The following ADAMTSL1 variants were observed in gnomAD, a reference collection of about 807,000 sequenced individuals.
The protein encoded by ADAMTSL1 is ADAMTS like 1, also known as ADAMTS-like protein 1.
Under a neutral mutation model 201.8 loss-of-function variants are expected in ADAMTSL1, and 126 were observed. The observed-to-expected ratio is 0.62, with a 90% CI of 0.54 to 0.72. The LOEUF is 0.72. Ranked by LOEUF, ADAMTSL1 falls within the 30% of genes least tolerant of loss-of-function variation. ADAMTSL1 has a pLI of 0.00. For missense variants in ADAMTSL1, 2,679 were observed against 2,277.8 expected (o/e 1.18, Z -3.59); for synonymous variants, 1,121 against 903.4 (o/e 1.24, Z -4.32).
intron 2 of ADAMTSL1, among the ~76,000 whole-genome samples, chr9:18,435,819 C>T (rs1401811414): frequency 6.6e-6 from 1 of 152,128 alleles, no homozygotes; most frequent in African/African-American, 2.4e-5. Context: ...TTTAAAACAT[C>T]ACATCTCATG....
chr9:17,908,576 C>A (rs1244666819), intron 1 of ADAMTSL1, among the ~76,000 whole-genome samples: 1 of 152,140 alleles, frequency 6.6e-6, no homozygotes, highest in African/African-American at 2.4e-5. Context: ...CCTGCCTCAG[C>A]CTCCCAAGTA....
chr9:18,009,362 A>G (rs1819959733), intron 1 of ADAMTSL1, among the ~76,000 whole-genome samples: 1 of 151,980 alleles, frequency 6.6e-6, no homozygotes, highest in African/African-American at 2.4e-5. Context: ...ACTCACTTCT[A>G]ATAGAAACCT....
rs113432891 is a variant in ADAMTSL1 at position 18,495,897 on chromosome 9, C to G, written c.64-8932C>G. ...CCCCCACTTTATGCTTACTCTATGC[C>G]CTATGTACCTTTTTGAGAGACAAAT... On this transcript the variant is annotated intron_variant, in intron 1 of 28. Coordinates refer to ENST00000380548, the MANE Select transcript of ADAMTSL1 (RefSeq NM_001040272.6). 1.9e-3 allele frequency among the ~76,000 whole-genome samples: 289 copies of G among 152,086 alleles called. 2 individuals are homozygous for G. The highest frequency in any genetic ancestry group is 6.5e-3 in the African/African-American group (269 of 41,470).
At chr9:18,588,201 G>A (rs532882388) in intron 4 of ADAMTSL1, among the ~76,000 whole-genome samples, 19 of 152,224 alleles carry the variant, frequency 1.2e-4, no homozygotes, top group African/African-American at 4.3e-4. Context: ...GTTTTGATTC[G>A]CATTTCCCTG....
chr9:18,226,912 TA>T lies in ADAMTSL1; in HGVS notation c.207+62933del, dbSNP rs566587237. 2.4e-3 allele frequency among the ~76,000 whole-genome samples: 359 copies of T among 152,252 alleles called. 3 individuals are homozygous for T. Among genetic ancestry groups the T allele is most frequent in the African/African-American group, 8.4e-3 (347 of 41,538 alleles). The stretch of plus-strand genomic sequence containing the variant: ...TGACACAGTTATAAAATATAATTTT[TA>T]ATATTTTTGATGAAGGATGGGGTCC... On this transcript the variant is annotated intron_variant, in intron 2 of 29. Transcript: ENST00000680146.
chr9:18,283,051 G>T (rs1368613087), intron 2 of ADAMTSL1, among the ~76,000 whole-genome samples: 1 of 152,142 alleles, frequency 6.6e-6, no homozygotes, highest in Non-Finnish European at 1.5e-5. Context: ...GAAGAGAATT[G>T]AAATCAACTA....
Position 18,721,465 on chromosome 9 carries a change from G to A in ADAMTSL1, c.1877-71G>A, listed in dbSNP as rs1056044467. ...ACAGGGACCTCCCACCAGCTGCCTT[G>A]TCTACACTTCATCACCCCCCACACA... On this transcript the variant is annotated intron_variant, in intron 14 of 28. Coordinates refer to ENST00000380548, the MANE Select transcript of ADAMTSL1 (RefSeq NM_001040272.6). 18 of 1,579,722 alleles carry A rather than the reference G, an allele frequency of 1.1e-5. No homozygotes were observed. In the African/African-American group the frequency reaches 2.0e-4, roughly 18 times the overall value.
At chr9:18,527,899 A>T (rs955611499) in intron 2 of ADAMTSL1, among the ~76,000 whole-genome samples, 1 of 152,146 alleles carries the variant, frequency 6.6e-6, no homozygotes, top group African/African-American at 2.4e-5. Flanking sequence ...CCCCCTCAAG[A>T]TGGAGTCTTG....
At chr9:18,807,236 CACAA>C (rs1162586557) in intron 20 of ADAMTSL1, among the ~76,000 whole-genome samples, 1 of 152,182 alleles carries the variant, frequency 6.6e-6, no homozygotes, top group African/African-American at 2.4e-5. Flanking sequence ...TCAGCTATAA[CACAA>C]ACAAATTTAC....
intron 23 of ADAMTSL1, among the ~76,000 whole-genome samples, chr9:18,835,562 G>C (rs972010556): frequency 2.0e-5 from 3 of 151,980 alleles, no homozygotes; most frequent in Admixed American, 6.6e-5. Context: ...TGTTACATGG[G>C]TATATTTCCC....
intron 2 of ADAMTSL1, among the ~76,000 whole-genome samples, chr9:18,417,354 C>A (rs1587133150): frequency 1.9e-5 from 1 of 52,650 alleles, no homozygotes; most frequent in South Asian, 5.9e-4. Context: ...TAAATGAGAA[C>A]TAAAGTAAGC....
intron 2 of ADAMTSL1, among the ~76,000 whole-genome samples, chr9:18,279,396 T>G (rs925446298): frequency 1.3e-5 from 2 of 152,018 alleles, no homozygotes; most frequent in East Asian, 3.9e-4. Context: ...TATCTAAGTT[T>G]GTGGATGTCT....
At chr9:18,835,653 G>C (rs755130742) in intron 23 of ADAMTSL1, among the ~76,000 whole-genome samples, 1 of 152,046 alleles carries the variant, frequency 6.6e-6, no homozygotes, top group Non-Finnish European at 1.5e-5. Flanking sequence ...CTCTTGCCCT[G>C]TTCCTTTCCT....
At chr9:17,977,660 A>T (rs1818510822) in intron 1 of ADAMTSL1, among the ~76,000 whole-genome samples, 1 of 151,890 alleles carries the variant, frequency 6.6e-6, no homozygotes, top group Non-Finnish European at 1.5e-5. Context: ...TCTTTTATTT[A>T]TGATTTTACT....
At chr9:18,532,324 T>G (rs1056682637) in intron 2 of ADAMTSL1, among the ~76,000 whole-genome samples, 7 of 152,178 alleles carry the variant, frequency 4.6e-5, no homozygotes, top group Non-Finnish European at 1.0e-4. Context: ...TTACAAAAGT[T>G]CATTCCCTTT....
intron 2 of ADAMTSL1, among the ~76,000 whole-genome samples, chr9:18,448,025 C>T (rs1415991316): frequency 6.6e-6 from 1 of 151,522 alleles, no homozygotes; most frequent in African/African-American, 2.4e-5. Context: ...CGCTCTCGCT[C>T]TTTCTCTCTC....
At chr9:18,105,902 G>A (rs936302577) in intron 1 of ADAMTSL1, among the ~76,000 whole-genome samples, 3 of 152,160 alleles carry the variant, frequency 2.0e-5, no homozygotes, top group Admixed American at 6.6e-5. Flanking sequence ...AAATTAGGAA[G>A]ACTCATCAAA....
intron 1 of ADAMTSL1, among the ~76,000 whole-genome samples, chr9:18,045,726 G>C (rs1041566302): frequency 2.6e-5 from 4 of 151,382 alleles, no homozygotes; most frequent in African/African-American, 9.7e-5. Flanking sequence ...TATCTGGCTT[G>C]AAAAAAAAGC....
intron 1 of ADAMTSL1, among the ~76,000 whole-genome samples, chr9:17,935,405 T>A (rs1411602534): frequency 6.6e-6 from 1 of 152,210 alleles, no homozygotes; most frequent in African/African-American, 2.4e-5. Flanking sequence ...TTAGACTGAT[T>A]ATCTAGATTT....
Sources: allele counts gnomAD v4.1 joint callset (sites outside exome capture counted in the v4.1 genomes callset), GRCh38; gene constraint gnomAD v4.1.1; transcripts MANE v1.5; gene names NCBI Gene and HGNC (gene_info 2026-07-23, HGNC 2026-07-21).